The following GPC5 variants were observed in gnomAD, a reference collection of about 807,000 sequenced individuals.
GPC5 encodes the protein glypican 5.
GPC5 carries 47 observed loss-of-function variants against 53.9 expected under a neutral mutation model. The observed-to-expected ratio is 0.87, with a 90% CI of 0.69 to 1.11. GPC5 has a LOEUF of 1.11. Ranked by LOEUF, GPC5 falls within the 50% of genes most tolerant of loss-of-function variation. The pLI is 0.00. For synonymous variants in GPC5, 286 were observed against 263.3 expected (o/e 1.09, Z -0.84); for missense variants, 748 against 713.1 (o/e 1.05, Z -0.56).
chr13:92,697,541 T>C (rs1333863573), intron 7 of GPC5, among the ~76,000 whole-genome samples: 7 of 152,216 alleles, frequency 4.6e-5, no homozygotes, highest in Non-Finnish European at 7.3e-5. Context: ...TGCACATTGA[T>C]TGTCTATCCT....
intron 7 of GPC5, among the ~76,000 whole-genome samples, chr13:92,177,574 G>A (rs2042117618): frequency 6.6e-6 from 1 of 151,646 alleles, no homozygotes; most frequent in Non-Finnish European, 1.5e-5. Context: ...TGTTTTTTGT[G>A]TTCTTCAGAA....
At chr13:91,919,406 A>G (rs1020336977) in intron 6 of GPC5, among the ~76,000 whole-genome samples, 4 of 152,216 alleles carry the variant, frequency 2.6e-5, no homozygotes, top group African/African-American at 9.6e-5. Flanking sequence ...ACTAGTTATC[A>G]TTTGCAGCAG....
At chr13:91,544,104 C>T (rs1364301219) in intron 2 of GPC5, among the ~76,000 whole-genome samples, 1 of 151,152 alleles carries the variant, frequency 6.6e-6, no homozygotes, top group Non-Finnish European at 1.5e-5. Flanking sequence ...CTGTTCTTTA[C>T]AGTGGTTAAA....
intron 6 of GPC5, among the ~76,000 whole-genome samples, chr13:91,984,062 A>T (rs1373544098): frequency 6.6e-6 from 1 of 152,070 alleles, no homozygotes; most frequent in African/African-American, 2.4e-5. Context: ...TTTGTGCTCC[A>T]CCCGAACAAC....
At chr13:92,345,393 A>G (rs752216612) in intron 7 of GPC5, among the ~76,000 whole-genome samples, 3 of 152,142 alleles carry the variant, frequency 2.0e-5, no homozygotes, top group Non-Finnish European at 2.9e-5. Flanking sequence ...TAGTAGTAGC[A>G]TTTAAAAGAG....
At chr13:92,707,977 C>G (rs1888007520) in intron 7 of GPC5, among the ~76,000 whole-genome samples, 1 of 151,994 alleles carries the variant, frequency 6.6e-6, no homozygotes, top group East Asian at 1.9e-4. Context: ...AAGGAGACAC[C>G]ACCTCAGACT....
intron 5 of GPC5, among the ~76,000 whole-genome samples, chr13:91,857,631 CT>C (rs2038981023): frequency 6.7e-6 from 1 of 149,384 alleles, no homozygotes; most frequent in Admixed American, 6.7e-5. Flanking sequence ...CTTTTTAATA[CT>C]GGCTCAAACC....
chr13:91,985,136 T>C (rs745556396), intron 6 of GPC5, among the ~76,000 whole-genome samples: 5 of 152,210 alleles, frequency 3.3e-5, no homozygotes, highest in Non-Finnish European at 7.4e-5. Flanking sequence ...TGAAGATGTA[T>C]TATTTGTTGT....
chr13:91,818,672 T>C (rs533787035), intron 5 of GPC5, among the ~76,000 whole-genome samples: 1 of 152,362 alleles, frequency 6.6e-6, no homozygotes, highest in East Asian at 1.9e-4. Context: ...TAGCAAGTTC[T>C]GTGCTAGGCC....
intron 7 of GPC5, among the ~76,000 whole-genome samples, chr13:92,401,815 TACATTGTTATGTATA>T (rs1315496267): frequency 6.6e-6 from 1 of 152,104 alleles, no homozygotes; most frequent in Non-Finnish European, 1.5e-5. Flanking sequence ...AAAAAGACAT[TACATTGTTATGTATA>T]ACAGAACACG....
intron 5 of GPC5, among the ~76,000 whole-genome samples, chr13:91,783,720 T>G (rs1664288): frequency 0.37 from 56,695 of 152,070 alleles, 12,140 homozygotes; most frequent in African/African-American, 0.59. Flanking sequence ...GGGATTATAG[T>G]TATGAGCCAC....
chr13:91,847,921 T>A (rs4529993), intron 5 of GPC5, among the ~76,000 whole-genome samples: 1 of 152,022 alleles, frequency 6.6e-6, no homozygotes, highest in Non-Finnish European at 1.5e-5. Context: ...ACAGCCTCAA[T>A]TTCTGTACTC....
At chr13:91,646,761 C>T (rs1465950745) in intron 2 of GPC5, among the ~76,000 whole-genome samples, 1 of 152,006 alleles carries the variant, frequency 6.6e-6, no homozygotes, top group Admixed American at 6.6e-5. Context: ...ACAACATGAT[C>T]TAGGTGTTTG....
intron 7 of GPC5, among the ~76,000 whole-genome samples, chr13:92,521,575 T>C (rs1881050052): frequency 6.6e-6 from 1 of 152,350 alleles, no homozygotes; most frequent in Non-Finnish European, 1.5e-5. Flanking sequence ...GCTAGTCATA[T>C]GTAGAAAGCT....
chr13:91,571,762 TGTATGTGTATATACACACACATATAC>T (rs2031796314), intron 2 of GPC5, among the ~76,000 whole-genome samples: 1 of 114,570 alleles, frequency 8.7e-6, no homozygotes, highest in Non-Finnish European at 1.8e-5. Context: ...CATATACATG[TGTATGTGTATATACACACACATATAC>T]GTGTGTGTAT....
chr13:92,165,262 C>T (rs554036002), intron 7 of GPC5, among the ~76,000 whole-genome samples: 2 of 152,292 alleles, frequency 1.3e-5, no homozygotes, highest in African/African-American at 4.8e-5. Context: ...AACGTTTATG[C>T]TCTACTTCCC....
intron 7 of GPC5, among the ~76,000 whole-genome samples, chr13:92,487,960 G>A (rs1292655513): frequency 1.3e-5 from 2 of 152,034 alleles, no homozygotes; most frequent in Admixed American, 6.6e-5. Flanking sequence ...GGAATTGTGA[G>A]GATGGATGAA....
intron 7 of GPC5, among the ~76,000 whole-genome samples, chr13:92,427,615 G>T (rs887891662): frequency 6.6e-6 from 1 of 152,040 alleles, no homozygotes; most frequent in East Asian, 1.9e-4. Context: ...GCTGGTAAAG[G>T]CTCAGGAAGT....
At chr13:91,632,061 T>G (rs1037738922) in intron 2 of GPC5, among the ~76,000 whole-genome samples, 1 of 152,138 alleles carries the variant, frequency 6.6e-6, no homozygotes, top group African/African-American at 2.4e-5. Flanking sequence ...GAAAGCCAAC[T>G]GGTACAATTG....
Sources: allele counts gnomAD v4.1 joint callset (sites outside exome capture counted in the v4.1 genomes callset), GRCh38; gene constraint gnomAD v4.1.1; transcripts MANE v1.5; gene names NCBI Gene and HGNC (gene_info 2026-07-23, HGNC 2026-07-21).